Variants in DLGAP4 observed in about 807,000 individuals in gnomAD.
DLGAP4 encodes the protein disks large-associated protein 4.
A neutral mutation model predicts 86.9 loss-of-function variants in DLGAP4; 18 were observed. The ratio of observed to expected loss-of-function variants is 0.21; its 90% CI spans 0.14 to 0.31. DLGAP4 has a LOEUF of 0.31. Ranked by LOEUF, DLGAP4 falls within the 10% of genes least tolerant of loss-of-function variation. DLGAP4 has a pLI of 1.00. For synonymous variants in DLGAP4, 548 were observed against 574.3 expected, an observed-to-expected ratio of 0.95 and a Z score of 0.65; for missense variants, 1,085 against 1,362.6, an observed-to-expected ratio of 0.80 and a Z score of 3.21.
intron 7 of DLGAP4, chr20:36,461,751 G>GGGCCCC: frequency 1.5e-4 from 90 of 618,486 alleles, no homozygotes; most frequent in Middle Eastern, 8.2e-4. Context: ...CCGTCCGTCC[G>GGGCCCC]CCCGCCCGCC....
intron 10 of DLGAP4, among the ~76,000 whole-genome samples, chr20:36,504,481 C>T (rs577244895): frequency 4.6e-5 from 7 of 152,152 alleles, no homozygotes; most frequent in Admixed American, 3.3e-4. Context: ...TGAAGACTGG[C>T]GTGTTTGAGT....
chr20:36,516,668 GAAAAAAAA>G (rs747235286), intron 10 of DLGAP4, among the ~76,000 whole-genome samples: 6 of 77,074 alleles, frequency 7.8e-5, no homozygotes, highest in East Asian at 7.8e-4. Flanking sequence ...TCCGTCTCAG[GAAAAAAAA>G]AAAAAAAAAA....
chr20:36,526,890 A>C lies in DLGAP4; in HGVS notation c.2838A>C (p.Ser946=). The part of the protein sequence containing the change: ...SKPAVSRDKA[S]DASDKQRQEA... The stretch of plus-strand genomic sequence containing the variant: ...CGGCAGTGAGCCGCGACAAGGCCTC[A>C]GACGCCAGCGACAAGCAGCGCCAGG... The change falls in exon 13 of 13, where the codon TCA becomes TCC. Residue 946 remains serine (S), a synonymous_variant. Coordinates refer to ENST00000339266, the MANE Select transcript of DLGAP4 (RefSeq NM_001365621.2). The C allele has an allele frequency of 6.2e-7, 1 of 1,613,336 alleles. No individual in the cohort carries two copies.
intron 4 of DLGAP4, among the ~76,000 whole-genome samples, 164 bp downstream of exon 4, chr20:36,436,514 C>G (rs1264507204): frequency 6.6e-6 from 1 of 151,974 alleles, no homozygotes; most frequent in Non-Finnish European, 1.5e-5. Context: ...CTTGAGAGAA[C>G]CCCTTCATTG....
intron 2 of DLGAP4, among the ~76,000 whole-genome samples, chr20:36,411,220 C>T (rs550612440): frequency 6.6e-6 from 1 of 152,222 alleles, no homozygotes; most frequent in South Asian, 2.1e-4. Context: ...AAACTCGTGA[C>T]CTCAGGTGAT....
chr20:36,446,871 G>A lies in DLGAP4; in HGVS notation c.1582G>A (p.Val528Ile). ...QAGCSQEEDSVSLQSLSPPPS... is the reference protein window; with the variant it reads ...QAGCSQEEDSISLQSLSPPPS... ...AGGCTGCTCGCAGGAGGAGGACAGTGTCTCCCTGCAGTCCCTCTCCCCACC... is the reference window on the plus strand; with the variant it reads ...AGGCTGCTCGCAGGAGGAGGACAGTATCTCCCTGCAGTCCCTCTCCCCACC... Residue 528 changes from valine (V) to isoleucine (I), a missense_variant, in exon 7 of 13, where the codon GTC becomes ATC. Physicochemically the swap from Val to Ile is conservative, Grantham distance 29. Coordinates refer to ENST00000339266, the MANE Select transcript of DLGAP4 (RefSeq NM_001365621.2). 6.2e-7 allele frequency: 1 copy of A among 1,613,366 alleles called. No individual in the cohort carries two copies. The highest frequency in any genetic ancestry group is 2.2e-5 in the East Asian group (1 of 44,880).
chr20:36,458,121 G>A (rs923218904), intron 7 of DLGAP4, among the ~76,000 whole-genome samples: 2 of 152,076 alleles, frequency 1.3e-5, no homozygotes, highest in Admixed American at 6.6e-5. Flanking sequence ...TCTGGCCACC[G>A]ACTGTGGAAA....
At chr20:36,396,395 CAT>C in intron 2 of DLGAP4, among the ~76,000 whole-genome samples, 4 of 4,132 alleles carry the variant, frequency 9.7e-4, no homozygotes, top group African/African-American at 4.7e-3. Context: ...ACACATGCCA[CAT>C]ACACACACCA....
At chr20:36,457,933 T>A (rs2033921410) in intron 7 of DLGAP4, among the ~76,000 whole-genome samples, 1 of 151,712 alleles carries the variant, frequency 6.6e-6, no homozygotes. Flanking sequence ...ACACCCGGAT[T>A]GAGTGAAGAC....
chr20:36,526,309 C>T (rs1376810707), intron 12 of DLGAP4, among the ~76,000 whole-genome samples: 1 of 152,100 alleles, frequency 6.6e-6, no homozygotes, highest in Non-Finnish European at 1.5e-5. Context: ...AAAATGGTCC[C>T]TTCTCCTGGG....
At chr20:36,462,286 G>A in intron 7 of DLGAP4, 1 of 1,315,706 alleles carries the variant, frequency 7.6e-7, no homozygotes, top group East Asian at 3.5e-5. Flanking sequence ...GTCTCTCCTT[G>A]TTCTCTCTCA....
chr20:36,446,844 G>A lies in DLGAP4; in HGVS notation c.1555G>A (p.Ala519Thr), dbSNP rs1317471180. Residue 519 changes from alanine (A) to threonine (T), a missense_variant, in exon 7 of 13, where the codon GCA (alanine) becomes ACA (threonine). Coordinates refer to ENST00000339266, the MANE Select transcript of DLGAP4 (RefSeq NM_001365621.2). ...RSHSYLRAIQAGCSQEEDSVS... is the reference protein window; with the variant it reads ...RSHSYLRAIQTGCSQEEDSVS... ...CCACAGCTACCTGCGTGCCATCCAG[G>A]CAGGCTGCTCGCAGGAGGAGGACAG... is the stretch of plus-strand genomic sequence containing the variant. The A allele has an allele frequency of 1.2e-6, 2 of 1,613,094 alleles. No individual in the cohort carries two copies. The highest frequency in any genetic ancestry group is 1.7e-5 in the Admixed American group (1 of 59,970).
rs763424818 is a variant in DLGAP4 at position 36,432,586 on chromosome 20, A to C, written c.869A>C (p.Lys290Thr). ...LGVGTDTNYV[K>T]RGSWSTLTLS... ...GTGGGCACTGACACCAACTACGTCA[A>C]ACGGGGCTCCTGGTCCACTCTGACC... Residue 290 changes from lysine to threonine, a missense_variant, in exon 3 of 13, where the codon AAA (lysine) becomes ACA (threonine). This residue lies in a region of DLGAP4 where 1,082 missense variants were observed against 1,344.1 expected (regional missense o/e 0.81). Transcript: ENST00000339266. This position sits in a 1 kb window ranked among gnomAD's most constrained non-coding sequence, Gnocchi z 6.5. 1.2e-6 allele frequency: 2 copies of C among 1,611,762 alleles called. No homozygotes were observed. Among genetic ancestry groups the C allele is most frequent in the Non-Finnish European group, 1.7e-6 (2 of 1,179,290 alleles).
intron 7 of DLGAP4, among the ~76,000 whole-genome samples, chr20:36,476,641 T>G (rs1018054201): frequency 2.0e-5 from 3 of 149,226 alleles, no homozygotes; most frequent in Admixed American, 6.7e-5. Context: ...CAACCACCAT[T>G]CTTTCTATGA....
intron 2 of DLGAP4, among the ~76,000 whole-genome samples, chr20:36,385,635 T>C (rs2031568288): frequency 6.6e-6 from 1 of 152,188 alleles, no homozygotes; most frequent in Non-Finnish European, 1.5e-5. Flanking sequence ...AGCATCCTTG[T>C]GGGGGGTCAG....
intron 1 of DLGAP4, among the ~76,000 whole-genome samples, chr20:36,361,386 A>G (rs1354261198): frequency 1.3e-5 from 2 of 152,226 alleles, no homozygotes; most frequent in East Asian, 3.8e-4. Context: ...GAGACCATTC[A>G]TTATTCGAGG....
At chr20:36,434,378 G>A in intron 3 of DLGAP4, among the ~76,000 whole-genome samples, 1 of 152,208 alleles carries the variant, frequency 6.6e-6, no homozygotes, top group East Asian at 1.9e-4. Flanking sequence ...GGCAGTATGT[G>A]ATATATTTAG....
At chr20:36,473,267 A>G (rs1600597870) in intron 7 of DLGAP4, 1 of 152,372 alleles carries the variant, frequency 6.6e-6, no homozygotes, top group Non-Finnish European at 1.5e-5. Context: ...TTTGGGACCC[A>G]GATGTCCTGA....
chr20:36,317,286 T>TTA (rs2065116166), intron 1 of DLGAP4, among the ~76,000 whole-genome samples: 1 of 42,300 alleles, frequency 2.4e-5, no homozygotes, highest in Non-Finnish European at 5.1e-5. Context: ...TTATCTTTCT[T>TTA]TCTTTCTTAT....
Sources: gnomAD v4.1 joint callset for allele counts (sites outside exome capture counted in the v4.1 genomes callset) on GRCh38, gnomAD v4.1.1 for gene constraint, gnomAD v4.1.1 regional missense constraint, Gnocchi (gnomAD v3.1) non-coding constraint, MANE v1.5 for transcripts, NCBI Gene and HGNC (gene_info 2026-07-23, HGNC 2026-07-21) for gene names.